Variants in RNF216 observed in about 807,000 individuals in gnomAD.
The protein encoded by RNF216 is E3 ubiquitin-protein ligase RNF216.
A neutral mutation model predicts 110.8 loss-of-function variants in RNF216; 72 were observed. The observed-to-expected ratio is 0.65, with a 90% CI of 0.54 to 0.79. The LOEUF is 0.79. Among genes scored for constraint, RNF216 ranks in the 30% least tolerant of loss-of-function variants. RNF216 has a pLI of 0.00. For missense variants in RNF216, 1,342 were observed against 1,141.2 expected, an observed-to-expected ratio of 1.18 and a Z score of -2.54; for synonymous variants, 495 against 407.5, an observed-to-expected ratio of 1.21 and a Z score of -2.59.
In RNF216 at chr7:5,715,125, G is replaced by C. The variant is rs755838897; in HGVS notation, c.1761C>G (p.Cys587Trp). The stretch of plus-strand genomic sequence containing the variant: ...CTTTGCAGAACAAGTGAGCATCTGC[G>C]CACTGCGTCAGCTCCTCGAATGGAA... ...GEFPFEELTQ[C>W]ADAHLFCKEC... is the part of the protein sequence containing the mutation. Residue 587 changes from cysteine (C) to tryptophan (W), a missense_variant, in exon 11 of 17, where the codon TGC becomes TGG. Coordinates refer to ENST00000389902, the MANE Select transcript of RNF216 (RefSeq NM_207111.4). 6.2e-7 allele frequency: 1 copy of C among 1,613,508 alleles called. No individual in the cohort carries two copies. Among genetic ancestry groups the C allele is most frequent in the Non-Finnish European group, 8.5e-7 (1 of 1,179,660 alleles).
At chr7:5,687,949 T>A (rs973366046) in intron 13 of RNF216, among the ~76,000 whole-genome samples, 21 of 152,234 alleles carry the variant, frequency 1.4e-4, no homozygotes, top group African/African-American at 5.1e-4. Flanking sequence ...CGGACTGTCA[T>A]GCCACAGTTA....
At chr7:5,626,900 CAGGT>C (rs994815095) in intron 15 of RNF216, among the ~76,000 whole-genome samples, 180 of 152,256 alleles carry the variant, frequency 1.2e-3, no homozygotes, top group African/African-American at 4.0e-3. Flanking sequence ...TGAAAAATGA[CAGGT>C]AGAGAAGTTT....
intron 7 of RNF216, among the ~76,000 whole-genome samples, chr7:5,727,508 C>G (rs1432203071): frequency 6.6e-6 from 1 of 152,160 alleles, no homozygotes; most frequent in Non-Finnish European, 1.5e-5. Flanking sequence ...GGGAGGATAG[C>G]CTGAGGCCAG....
chr7:5,631,624 C>T (rs1787077062), intron 15 of RNF216, among the ~76,000 whole-genome samples: 1 of 152,020 alleles, frequency 6.6e-6, no homozygotes, highest in Non-Finnish European at 1.5e-5. Flanking sequence ...TCTTTCTGGC[C>T]TCTTCTCGTC....
chr7:5,621,702 G>A lies in RNF216; in HGVS notation c.*1158C>T, dbSNP rs1786374847. On this transcript the variant is annotated 3_prime_UTR_variant, in exon 17 of 17. Coordinates refer to ENST00000389902, the MANE Select transcript of RNF216 (RefSeq NM_207111.4). The stretch of plus-strand genomic sequence containing the variant: ...CAAGGACAAGGCAGGGCATGAGGAG[G>A]AGGAGAAAGTGATGCCTGTGGCCAG... 1 of 152,658 alleles carries A rather than the reference G, an allele frequency of 6.6e-6. No individual in the cohort carries two copies. The highest frequency in any genetic ancestry group is 2.4e-5 in the African/African-American group (1 of 41,470). 9.5% of individuals were successfully genotyped at this position (152,658 alleles called of 1,614,324 possible). A position where few individuals can be genotyped will look rare whatever the true frequency, so the allele number is the denominator to read the frequency against.
chr7:5,727,040 G>A (rs1349165295), intron 7 of RNF216, among the ~76,000 whole-genome samples: 3 of 152,258 alleles, frequency 2.0e-5, no homozygotes, highest in Non-Finnish European at 2.9e-5. Context: ...CAGGGGATAG[G>A]AGGCCTTGGG....
intron 13 of RNF216, among the ~76,000 whole-genome samples, chr7:5,706,317 G>C (rs1459446271): frequency 6.6e-6 from 1 of 151,652 alleles, no homozygotes; most frequent in South Asian, 2.1e-4. Flanking sequence ...GCAAAATGTT[G>C]TACAGCTGAT....
At chr7:5,720,178 T>C (rs940548408) in intron 9 of RNF216, among the ~76,000 whole-genome samples, 10 of 152,178 alleles carry the variant, frequency 6.6e-5, no homozygotes, top group Non-Finnish European at 1.2e-4. Context: ...TAGCTGAGCT[T>C]GATCAACAGA....
At chr7:5,759,236 C>A (rs537873129) in intron 2 of RNF216, among the ~76,000 whole-genome samples, 1 of 152,282 alleles carries the variant, frequency 6.6e-6, no homozygotes, top group South Asian at 2.1e-4. Context: ...CGCTATGTTT[C>A]CTATACAGCC....
In RNF216 at chr7:5,623,222, A is replaced by G. The variant is rs752641930; in HGVS notation, c.2453-43T>C. On this transcript the variant is annotated intron_variant, in intron 16 of 16. Transcript: ENST00000389902. Reference sequence around the variant, plus strand: ...ATTAGTGGAGAAAAACATTAAACCAACCTCAATGGAATCTAGCCTGGGACC... The same window carrying G: ...ATTAGTGGAGAAAAACATTAAACCAGCCTCAATGGAATCTAGCCTGGGACC... The G allele has an allele frequency of 6.6e-6, 10 of 1,507,216 alleles. No individual in the cohort carries two copies. In the African/African-American group the frequency reaches 1.1e-4, roughly 17 times the overall value. 93.4% of individuals were successfully genotyped at this position (1,507,216 alleles called of 1,614,324 possible).
At chr7:5,755,510 A>G (rs1795589248) in intron 2 of RNF216, among the ~76,000 whole-genome samples, 3 of 152,122 alleles carry the variant, frequency 2.0e-5, no homozygotes, top group Non-Finnish European at 4.4e-5. Flanking sequence ...CTTTCTCCCA[A>G]TTTCTGCTCT....
At chr7:5,623,985 C>A in intron 16 of RNF216, 71 bp downstream of exon 16, 1 of 1,370,422 alleles carries the variant, frequency 7.3e-7, no homozygotes, top group Non-Finnish European at 1.0e-6. Flanking sequence ...CCAGGACACT[C>A]AGGGAGGCCA....
At chr7:5,736,082 G>C (rs1352734353) in intron 5 of RNF216, among the ~76,000 whole-genome samples, 2 of 151,110 alleles carry the variant, frequency 1.3e-5, no homozygotes, top group African/African-American at 4.9e-5. Flanking sequence ...GACAGAGTGA[G>C]ACTCCGTCTC....
intron 5 of RNF216, among the ~76,000 whole-genome samples, chr7:5,735,385 C>T (rs1452799107): frequency 6.6e-6 from 1 of 152,064 alleles, no homozygotes; most frequent in Non-Finnish European, 1.5e-5. Flanking sequence ...TTCCCAAGAA[C>T]TTAACATATC....
rs1187077302 is a variant in RNF216 at position 5,621,905 on chromosome 7, C to G, written c.*955G>C. 2 of 152,510 alleles carry G rather than the reference C, an allele frequency of 1.3e-5. No individual in the cohort carries two copies. Among genetic ancestry groups the G allele is most frequent in the East Asian group, 3.8e-4 (2 of 5,202 alleles). 9.4% of individuals were successfully genotyped at this position (152,510 alleles called of 1,614,324 possible). ...TCACATGGGGGATACTGGACAGCACCCTCTACCTGCCTTCAGCAACCACTG... is the reference window on the plus strand; with the variant it reads ...TCACATGGGGGATACTGGACAGCACGCTCTACCTGCCTTCAGCAACCACTG... On this transcript the variant is annotated 3_prime_UTR_variant, in exon 17 of 17. Coordinates refer to ENST00000389902, the MANE Select transcript of RNF216 (RefSeq NM_207111.4).
chr7:5,731,361 T>TGATTCTGCAGCCCCCGCCGGGG (rs1794079722), intron 5 of RNF216, among the ~76,000 whole-genome samples: 1 of 151,936 alleles, frequency 6.6e-6, no homozygotes, highest in African/African-American at 2.4e-5. Flanking sequence ...ACACGTGGTT[T>TGATTCTGCAGCCCCCGCCGGGG]ATTTAGCTAG....
intron 4 of RNF216, chr7:5,739,589 A>G (rs996637536): frequency 2.2e-5 from 13 of 598,342 alleles, no homozygotes; most frequent in Non-Finnish European, 3.5e-5. Flanking sequence ...TTACAGATCC[A>G]TTCTTCATTG....
At chr7:5,776,855 T>C (rs1796807513) in intron 1 of RNF216, among the ~76,000 whole-genome samples, 1 of 131,344 alleles carries the variant, frequency 7.6e-6, no homozygotes, top group Non-Finnish European at 1.5e-5. Flanking sequence ...GAGCTGATAT[T>C]GTGCCACTGC....
At chr7:5,744,648 A>C (rs1794939151) in intron 3 of RNF216, among the ~76,000 whole-genome samples, 1 of 152,160 alleles carries the variant, frequency 6.6e-6, no homozygotes, top group South Asian at 2.1e-4. Flanking sequence ...AAAACAAACA[A>C]ACAAACAAAA....
Sources: gnomAD v4.1 joint callset for allele counts (sites outside exome capture counted in the v4.1 genomes callset) on GRCh38, gnomAD v4.1.1 for gene constraint, MANE v1.5 for transcripts, NCBI Gene and HGNC (gene_info 2026-07-23, HGNC 2026-07-21) for gene names.